MARCHF1: variants seen among roughly 807,000 people sequenced by gnomAD.
MARCHF1 encodes the protein E3 ubiquitin-protein ligase MARCHF1.
In MARCHF1, 40 loss-of-function variants were observed where a neutral mutation model predicts 54.2. The ratio of observed to expected loss-of-function variants is 0.74; its 90% CI spans 0.57 to 0.96. The LOEUF (loss-of-function observed/expected upper bound fraction) is 0.96. Ranked by LOEUF, MARCHF1 falls within the 40% of genes least tolerant of loss-of-function variation. The pLI is 0.00. For missense variants in MARCHF1, 586 were observed against 656.5 expected (o/e 0.89, Z 1.17); for synonymous variants, 236 against 236.3 (o/e 1.00, Z 0.01).
chr4:163,563,645 G>C (rs1266615580), intron 8 of MARCHF1, among the ~76,000 whole-genome samples: 1 of 152,188 alleles, frequency 6.6e-6, no homozygotes, highest in African/African-American at 2.4e-5. Flanking sequence ...GACCTCAGAA[G>C]ATTTATTTAG....
intron 2 of MARCHF1, among the ~76,000 whole-genome samples, chr4:164,041,926 A>G (rs962342002): frequency 5.3e-5 from 8 of 152,142 alleles, no homozygotes; most frequent in Non-Finnish European, 1.0e-4. Flanking sequence ...AGGGGAAAAA[A>G]TGATCCCTTA....
chr4:164,199,736 G>A (rs1321507906), intron 1 of MARCHF1, among the ~76,000 whole-genome samples: 6 of 143,288 alleles, frequency 4.2e-5, no homozygotes, highest in East Asian at 2.1e-4. Flanking sequence ...GAAGATAAAA[G>A]AAGAGAAAAA....
At chr4:164,361,648 C>T (rs766175001) in intron 1 of MARCHF1, among the ~76,000 whole-genome samples, 10 of 152,194 alleles carry the variant, frequency 6.6e-5, no homozygotes, top group East Asian at 1.9e-4. Context: ...TGAGTGATAA[C>T]GTATGCCAAA....
intron 4 of MARCHF1, among the ~76,000 whole-genome samples, chr4:163,764,539 T>A (rs1579267527): frequency 6.6e-6 from 1 of 152,214 alleles, no homozygotes; most frequent in East Asian, 1.9e-4. Flanking sequence ...AGTTTTTACG[T>A]TAAGAAAATT....
intron 2 of MARCHF1, among the ~76,000 whole-genome samples, chr4:164,008,614 G>A (rs1014343954): frequency 6.6e-6 from 1 of 151,834 alleles, no homozygotes; most frequent in Non-Finnish European, 1.5e-5. Context: ...ATAAAAAAAA[G>A]GCAGAAATCA....
At position 164,025,701 on chromosome 4, in the gene MARCHF1, T is replaced by TA. The variant is rs201500031; in HGVS notation, c.-247-36993dup. ...AACAAACCAGCCAACCCCAAAGCTA[T>TA]AAAAAAAAAAAGGAAAGAACTAAAA... On this transcript the variant is annotated intron_variant, in intron 2 of 9. Transcript: ENST00000514618. Among the ~76,000 whole-genome samples, 616 of 133,934 alleles carry TA rather than the reference T, an allele frequency of 4.6e-3. 8 individuals are homozygous for TA. Among genetic ancestry groups the TA allele is most frequent in the East Asian group, 0.036 (167 of 4,698 alleles). The allele number at this position is 133,934 out of a possible 152,430, so 87.9% of individuals were successfully genotyped here. A position where few individuals can be genotyped will look rare whatever the true frequency, so the allele number is the denominator to read the frequency against.
intron 1 of MARCHF1, among the ~76,000 whole-genome samples, chr4:164,333,012 T>C (rs1404494257): frequency 2.0e-5 from 3 of 152,068 alleles, no homozygotes; most frequent in African/African-American, 7.2e-5. Flanking sequence ...TAACAATATA[T>C]ACTCAAAGAT....
Position 163,527,524 on chromosome 4 carries a change from TG to T in MARCHF1, c.*1223del, listed in dbSNP as rs1738159119. ...ACAACTCTGCTATAGGCAGATTGAT[TG>T]TTTTATCTTTCTATACTTTTGGATT... On this transcript the variant is annotated 3_prime_UTR_variant, in exon 10 of 10. Transcript: ENST00000514618. 1 of 152,078 alleles carries T rather than the reference TG, an allele frequency of 6.6e-6. No homozygotes were observed. The highest frequency in any genetic ancestry group is 2.1e-4 in the South Asian group (1 of 4,834). The allele number at this position is 152,078 out of a possible 1,614,324, so 9.4% of individuals were successfully genotyped here. A position where few individuals can be genotyped will look rare whatever the true frequency, so the allele number is the denominator to read the frequency against.
chr4:163,555,075 G>A (rs888858136), intron 8 of MARCHF1, among the ~76,000 whole-genome samples: 1 of 152,266 alleles, frequency 6.6e-6, no homozygotes, highest in East Asian at 1.9e-4. Flanking sequence ...ATGATATCAC[G>A]CATAATGATG....
chr4:164,267,739 T>G (rs1733645246), intron 1 of MARCHF1, among the ~76,000 whole-genome samples: 1 of 152,082 alleles, frequency 6.6e-6, no homozygotes, highest in Non-Finnish European at 1.5e-5. Context: ...TACTACACCT[T>G]CAGTGAGCAT....
At chr4:164,164,614 A>G (rs1396879740) in intron 1 of MARCHF1, among the ~76,000 whole-genome samples, 1 of 152,048 alleles carries the variant, frequency 6.6e-6, no homozygotes, top group African/African-American at 2.4e-5. Context: ...TGAGTTGTAC[A>G]TGTTACAATG....
At chr4:164,332,846 T>C (rs1057076346) in intron 1 of MARCHF1, among the ~76,000 whole-genome samples, 1 of 152,202 alleles carries the variant, frequency 6.6e-6, no homozygotes, top group Non-Finnish European at 1.5e-5. Context: ...TTATGTTATA[T>C]AAGCTGCCTA....
chr4:163,574,432 G>A (rs1198529656), intron 8 of MARCHF1, among the ~76,000 whole-genome samples: 3 of 151,422 alleles, frequency 2.0e-5, no homozygotes, highest in Non-Finnish European at 4.4e-5. Context: ...TTCTTCTAGG[G>A]TTTTTATGGT....
At chr4:164,354,469 C>A (rs971735626) in intron 1 of MARCHF1, among the ~76,000 whole-genome samples, 1 of 131,422 alleles carries the variant, frequency 7.6e-6, no homozygotes, top group South Asian at 2.4e-4. Context: ...ATACGCAAAT[C>A]AACAAATGTA....
intron 2 of MARCHF1, among the ~76,000 whole-genome samples, chr4:164,104,132 C>T (rs974940424): frequency 6.7e-6 from 1 of 148,696 alleles, no homozygotes; most frequent in Non-Finnish European, 1.5e-5. Flanking sequence ...AATAGCTTAC[C>T]AACCAAAAAG....
chr4:164,255,266 A>G (rs1329006234), intron 1 of MARCHF1, among the ~76,000 whole-genome samples: 1 of 152,142 alleles, frequency 6.6e-6, no homozygotes. Flanking sequence ...TTATTTCAAT[A>G]TATGAAGTTT....
chr4:164,359,415 G>A (rs767275566), intron 1 of MARCHF1, among the ~76,000 whole-genome samples: 35 of 152,284 alleles, frequency 2.3e-4, no homozygotes, highest in Middle Eastern at 6.8e-3. Context: ...TACACTTCAA[G>A]ATAAATCCCT....
intron 1 of MARCHF1, among the ~76,000 whole-genome samples, chr4:164,364,792 C>T (rs780645401): frequency 1.1e-4 from 17 of 151,558 alleles, no homozygotes; most frequent in Admixed American, 9.9e-4. Context: ...TTTTCTTTCA[C>T]ATATTTCCCT....
intron 2 of MARCHF1, among the ~76,000 whole-genome samples, chr4:164,058,026 A>G (rs1754532242): frequency 6.6e-6 from 1 of 152,196 alleles, no homozygotes; most frequent in African/African-American, 2.4e-5. Flanking sequence ...ACAAGATCAG[A>G]AAACTGAACA....
Sources: gnomAD v4.1 joint callset for allele counts (sites outside exome capture counted in the v4.1 genomes callset) on GRCh38, gnomAD v4.1.1 for gene constraint, MANE v1.5 for transcripts, NCBI Gene and HGNC (gene_info 2026-07-23, HGNC 2026-07-21) for gene names.